The following MACROD2 variants were observed in gnomAD, a reference collection of about 807,000 sequenced individuals.
MACROD2 encodes the protein ADP-ribose glycohydrolase MACROD2.
MACROD2 carries 36 observed loss-of-function variants against 70.4 expected under a neutral mutation model. The ratio of observed to expected loss-of-function variants is 0.51; its 90% CI spans 0.39 to 0.68. MACROD2 has a LOEUF of 0.68. Ranked by LOEUF, MACROD2 falls within the 30% of genes least tolerant of loss-of-function variation. The pLI, the probability that MACROD2 is intolerant of heterozygous loss-of-function variation, is 0.00. For synonymous variants in MACROD2, 172 were observed against 178.8 expected (o/e 0.96, Z 0.30); for missense variants, 496 against 538.4 (o/e 0.92, Z 0.78).
intron 5 of MACROD2, among the ~76,000 whole-genome samples, chr20:14,727,785 A>G (rs1323844884): frequency 6.6e-6 from 1 of 152,214 alleles, no homozygotes; most frequent in African/African-American, 2.4e-5. Flanking sequence ...CCTTTAGGGA[A>G]AGGGATTGCT....
chr20:14,498,906 A>G (rs2084886431), intron 4 of MACROD2, among the ~76,000 whole-genome samples: 1 of 152,184 alleles, frequency 6.6e-6, no homozygotes, highest in Non-Finnish European at 1.5e-5. Flanking sequence ...GCTCTTGTTA[A>G]ACCTCCAGAT....
At position 15,277,876 on chromosome 20, in the gene MACROD2, CCAAAG is replaced by C. The variant is rs569953858; in HGVS notation, c.540+47818_540+47822del. ...GTCGCAGACTCATTGATGAGAATCT[CCAAAG>C]CAGTGGTGTTTCTGTTCGCTTTTCT... On this transcript the variant is annotated intron_variant, in intron 6 of 17. Transcript: ENST00000684519. 5.9e-5 allele frequency among the ~76,000 whole-genome samples: 9 copies of C among 152,188 alleles called. No individual in the cohort carries two copies. In the South Asian group the frequency reaches 1.9e-3, roughly 32 times the overall value.
chr20:15,811,623 T>C (rs531635406), intron 8 of MACROD2, among the ~76,000 whole-genome samples: 19 of 152,140 alleles, frequency 1.2e-4, no homozygotes, highest in Non-Finnish European at 2.4e-4. Flanking sequence ...GCCTGATCTC[T>C]TTTATTTGAT....
At chr20:14,149,163 T>C (rs774760174) in intron 3 of MACROD2, among the ~76,000 whole-genome samples, 2 of 150,288 alleles carry the variant, frequency 1.3e-5, no homozygotes, top group Non-Finnish European at 3.0e-5. Flanking sequence ...TGTCTATTGC[T>C]GCCATCTTTA....
At chr20:14,669,433 CT>C (rs2070771186) in intron 4 of MACROD2, among the ~76,000 whole-genome samples, 1 of 148,744 alleles carries the variant, frequency 6.7e-6, no homozygotes, top group African/African-American at 2.6e-5. Flanking sequence ...ATTTTTAATC[CT>C]TTATCATCTT....
rs189360364 is a variant in MACROD2 at position 14,133,004 on chromosome 20, G to A, written c.271+47276G>A. ...TTCTCCAGAGAAACATAACATATGT[G>A]TGTGTGTGTGTGTATATGGGACTGG... On this transcript the variant is annotated intron_variant, in intron 3 of 17. Coordinates refer to ENST00000684519, the MANE Select transcript of MACROD2 (RefSeq NM_001351661.2). Among the ~76,000 whole-genome samples, 584 of 152,272 alleles carry A rather than the reference G, an allele frequency of 3.8e-3. 7 individuals carry two copies. The highest frequency in any genetic ancestry group is 0.014 in the African/African-American group (562 of 41,544).
intron 3 of MACROD2, among the ~76,000 whole-genome samples, chr20:14,379,503 A>G (rs2083402509): frequency 6.6e-6 from 1 of 152,228 alleles, no homozygotes; most frequent in African/African-American, 2.4e-5. Context: ...TATGCAATTC[A>G]GTGACAATAA....
intron 9 of MACROD2, among the ~76,000 whole-genome samples, chr20:15,869,238 T>TATATATATATATATATATATAGAG: frequency 1.1e-4 from 3 of 28,294 alleles, no homozygotes; most frequent in Non-Finnish European, 1.5e-4. Context: ...TATATATATA[T>TATATATATATATATATATATAGAG]AGAGAGAGAG....
At chr20:14,272,643 A>T (rs866414649) in intron 3 of MACROD2, among the ~76,000 whole-genome samples, 2,302 of 151,666 alleles carry the variant, frequency 0.015, 22 homozygotes, top group African/African-American at 0.027. Context: ...CACACATAAC[A>T]ATATTAACTT....
At chr20:14,687,175 G>A (rs1251778378) in intron 5 of MACROD2, among the ~76,000 whole-genome samples, 1 of 152,128 alleles carries the variant, frequency 6.6e-6, no homozygotes, top group Non-Finnish European at 1.5e-5. Flanking sequence ...TTTCAGACTT[G>A]TATCTGTCCT....
chr20:14,819,300 C>A (rs187706383), intron 5 of MACROD2, among the ~76,000 whole-genome samples: 49 of 151,350 alleles, frequency 3.2e-4, no homozygotes, highest in African/African-American at 1.1e-3. Flanking sequence ...ACAAAAAACC[C>A]CCAAAAAATC....
intron 5 of MACROD2, among the ~76,000 whole-genome samples, chr20:15,208,861 G>T (rs1296330665): frequency 2.0e-5 from 3 of 152,116 alleles, no homozygotes; most frequent in African/African-American, 7.2e-5. Flanking sequence ...TATATGGGGA[G>T]GGGGGTTGTT....
chr20:15,984,330 T>TA (rs2066445961), intron 13 of MACROD2, among the ~76,000 whole-genome samples: 1 of 152,136 alleles, frequency 6.6e-6, no homozygotes, highest in South Asian at 2.1e-4. Context: ...TTAATGTAGG[T>TA]AAAAATCCAC....
chr20:15,932,170 C>G (rs889862432), intron 10 of MACROD2, among the ~76,000 whole-genome samples: 1 of 152,154 alleles, frequency 6.6e-6, no homozygotes, highest in Non-Finnish European at 1.5e-5. Context: ...AGGCTTGGCT[C>G]ACAGGTCTGG....
intron 6 of MACROD2, among the ~76,000 whole-genome samples, chr20:15,365,683 A>G (rs2045399779): frequency 6.6e-6 from 1 of 152,084 alleles, no homozygotes. Flanking sequence ...AATTGGAAGA[A>G]AAATATTGTT....
chr20:14,992,836 T>G (rs2074917020), intron 5 of MACROD2, among the ~76,000 whole-genome samples: 1 of 150,512 alleles, frequency 6.6e-6, no homozygotes, highest in South Asian at 2.1e-4. Flanking sequence ...TTTTTGCCTA[T>G]GATGTTTTAG....
intron 7 of MACROD2, among the ~76,000 whole-genome samples, chr20:15,445,511 TG>T (rs1242691923): frequency 1.3e-5 from 2 of 152,268 alleles, no homozygotes; most frequent in East Asian, 3.9e-4. Context: ...TGTGAAGTTA[TG>T]TGTTGTAAGA....
chr20:15,247,280 A>G (rs1003279131), intron 6 of MACROD2, among the ~76,000 whole-genome samples: 7 of 152,336 alleles, frequency 4.6e-5, no homozygotes, highest in Non-Finnish European at 8.8e-5. Flanking sequence ...GGAAAGTTCT[A>G]TAGGCTCTAA....
chr20:15,699,452 T>C (rs1456690513), intron 8 of MACROD2, among the ~76,000 whole-genome samples: 1 of 152,216 alleles, frequency 6.6e-6, no homozygotes, highest in East Asian at 1.9e-4. Context: ...CAGCCACGGA[T>C]ACCAGCACCT....
Sources: allele counts gnomAD v4.1 joint callset (sites outside exome capture counted in the v4.1 genomes callset), GRCh38; gene constraint gnomAD v4.1.1; transcripts MANE v1.5; gene names NCBI Gene and HGNC (gene_info 2026-07-23, HGNC 2026-07-21).